The following HERC3 variants were observed in gnomAD, a reference collection of about 807,000 sequenced individuals.
HERC3 encodes the protein probable E3 ubiquitin-protein ligase HERC3.
A neutral mutation model predicts 129.9 loss-of-function variants in HERC3; 58 were observed. The observed-to-expected ratio is 0.45, with a 90% CI of 0.36 to 0.56. The LOEUF is 0.56. Among genes scored for constraint, HERC3 ranks in the 20% least tolerant of loss-of-function variants. The pLI is 0.00. For synonymous variants in HERC3, 430 were observed against 451.0 expected (o/e 0.95, Z 0.59); for missense variants, 835 against 1,244.2 (o/e 0.67, Z 4.95).
Position 88,652,105 on chromosome 4 carries a change from CAT to C in HERC3, c.463+20_463+21del. 2 of 1,535,068 alleles carry C rather than the reference CAT, an allele frequency of 1.3e-6. No homozygotes were observed. The highest frequency in any genetic ancestry group is 2.2e-5 in the East Asian group (1 of 44,562). ...TTGCGGCTGGTAAAGTAACATTAAA[CAT>C]ATGCTAATGCTATGTTAATTTTGAA... is the stretch of plus-strand genomic sequence containing the variant. On this transcript the variant is annotated intron_variant, in intron 5 of 25. Coordinates refer to ENST00000402738, the MANE Select transcript of HERC3 (RefSeq NM_014606.3).
intron 10 of HERC3, among the ~76,000 whole-genome samples, chr4:88,661,401 C>T (rs555401484): frequency 6.6e-6 from 1 of 152,272 alleles, no homozygotes; most frequent in Admixed American, 6.5e-5. Context: ...CATAATGATA[C>T]GTTAACTTGA....
chr4:88,531,620 C>G, the HERC3 span, among the ~76,000 whole-genome samples: 2 of 152,144 alleles, frequency 1.3e-5, no homozygotes, highest in African/African-American at 4.8e-5. Context: ...CTCTCTCAAC[C>G]CTCCTATTTG....
At chr4:88,636,224 C>G (rs1252898859) in intron 3 of HERC3, among the ~76,000 whole-genome samples, 1 of 151,966 alleles carries the variant, frequency 6.6e-6, no homozygotes, top group African/African-American at 2.4e-5. Flanking sequence ...GAGTCAAGAC[C>G]CATTGGTTTG....
At chr4:88,635,128 G>A (rs983999631) in intron 3 of HERC3, among the ~76,000 whole-genome samples, 9 of 152,022 alleles carry the variant, frequency 5.9e-5, no homozygotes, top group African/African-American at 2.2e-4. Context: ...TCCAGCAAGG[G>A]CGCAGAACTG....
At chr4:88,599,596 G>A (rs1578138968) in intron 2 of HERC3, among the ~76,000 whole-genome samples, 1 of 152,028 alleles carries the variant, frequency 6.6e-6, no homozygotes, top group Non-Finnish European at 1.5e-5. Flanking sequence ...GGACTGACTC[G>A]TGCCAGATAA....
At chr4:88,649,787 A>G in intron 3 of HERC3, 53 bp from the exon 4 acceptor site, 1 of 1,477,596 alleles carries the variant, frequency 6.8e-7, no homozygotes, top group Non-Finnish European at 9.4e-7. Context: ...TAATGGTAGC[A>G]GTATTCCTGT....
intron 5 of HERC3, among the ~76,000 whole-genome samples, chr4:88,652,426 T>C (rs998685748): frequency 6.6e-6 from 1 of 152,144 alleles, no homozygotes; most frequent in Admixed American, 6.5e-5. Context: ...AGCTCCCAAA[T>C]GAATGAAAAA....
At chr4:88,624,194 G>A (rs534045996) in intron 3 of HERC3, among the ~76,000 whole-genome samples, 8 of 152,226 alleles carry the variant, frequency 5.3e-5, no homozygotes, top group East Asian at 1.9e-4. Flanking sequence ...ATTTTCCCCC[G>A]TTTTGGGTTG....
intron 9 of HERC3, chr4:88,656,270 A>C (rs983090440): frequency 3.9e-6 from 2 of 513,092 alleles, no homozygotes; most frequent in Non-Finnish European, 7.0e-6. Flanking sequence ...CATTGCTGTA[A>C]AGAGCACCTG....
the HERC3 span, among the ~76,000 whole-genome samples, chr4:88,575,187 CT>C: frequency 6.6e-6 from 1 of 152,162 alleles, no homozygotes; most frequent in Non-Finnish European, 1.5e-5. Flanking sequence ...TGAAAAGTAT[CT>C]TTTGGCAGAA....
the HERC3 span, among the ~76,000 whole-genome samples, chr4:88,562,124 G>A: frequency 6.6e-6 from 1 of 151,988 alleles, no homozygotes; most frequent in Non-Finnish European, 1.5e-5. Flanking sequence ...GGTGTACAAG[G>A]GTTCCTTTTT....
At chr4:88,670,730 TA>T (rs1214989456) in intron 16 of HERC3, among the ~76,000 whole-genome samples, 1 of 152,000 alleles carries the variant, frequency 6.6e-6, no homozygotes, top group Non-Finnish European at 1.5e-5. Flanking sequence ...AAACCATAAT[TA>T]AAAAAACAAG....
At position 88,707,119 on chromosome 4, in the gene HERC3, A is replaced by C. The variant is rs1735851552; in HGVS notation, c.*159A>C. The C allele has an allele frequency of 3.1e-6, 2 of 647,584 alleles. No individual in the cohort carries two copies. The highest frequency in any genetic ancestry group is 3.0e-5 in the Admixed American group (1 of 33,656). The allele number at this position is 647,584 out of a possible 1,614,324, so 40.1% of individuals were successfully genotyped here. On this transcript the variant is annotated 3_prime_UTR_variant, in exon 26 of 26. Transcript: ENST00000402738. ...TGATGTGTTTCTGGGATTGTATAGC[A>C]GTAAACAACCTTTTTGAAAAATTAG...
the HERC3 span, among the ~76,000 whole-genome samples, chr4:88,572,856 G>A: frequency 2.0e-5 from 3 of 151,492 alleles, no homozygotes; most frequent in Non-Finnish European, 4.4e-5. Context: ...CTTTCATGAA[G>A]CCTATAATTA....
At chr4:88,681,794 AT>A (rs1732811216) in intron 21 of HERC3, among the ~76,000 whole-genome samples, 1 of 152,222 alleles carries the variant, frequency 6.6e-6, no homozygotes, top group Admixed American at 6.5e-5. Flanking sequence ...TGGGATATCC[AT>A]CACCTTAAAT....
chr4:88,697,936 G>A (rs1472258484), intron 23 of HERC3: 2 of 768,856 alleles, frequency 2.6e-6, no homozygotes, highest in Non-Finnish European at 4.2e-6. Context: ...TCAGCTGACG[G>A]CCGTGTGCTC....
chr4:88,577,617 A>ATATATATATATATATATATATAT, the HERC3 span, among the ~76,000 whole-genome samples: 1 of 149,792 alleles, frequency 6.7e-6, no homozygotes, highest in Non-Finnish European at 1.5e-5. Context: ...ATATATATAT[A>ATATATATATATATATATATATAT]ATAGGTTTGT....
rs768063981 is a variant in HERC3 at position 88,678,057 on chromosome 4, C to T, written c.2119C>T (p.Arg707Cys). 9 of 1,613,824 alleles carry T rather than the reference C, an allele frequency of 5.6e-6. No individual in the cohort carries two copies. The highest frequency in any genetic ancestry group is 2.2e-5 in the East Asian group (1 of 44,890). ...ARSPFLVLHV[R>C]RNNLVGDALR... Reference sequence around the variant, plus strand: ...AAGCCCCTTCCTGGTCCTTCACGTTCGCAGGAACAACCTTGTTGGAGATGC... The same window carrying T: ...AAGCCCCTTCCTGGTCCTTCACGTTTGCAGGAACAACCTTGTTGGAGATGC... The change falls in exon 19 of 26, where the codon CGC (arginine) becomes TGC (cysteine). Residue 707 changes from arginine to cysteine, a missense_variant. By Grantham distance (180) the Arg-to-Cys change is radical. Coordinates refer to ENST00000402738, the MANE Select transcript of HERC3 (RefSeq NM_014606.3).
chr4:88,673,523 A>G (rs933525844), intron 16 of HERC3, among the ~76,000 whole-genome samples: 1 of 152,194 alleles, frequency 6.6e-6, no homozygotes. Flanking sequence ...ATGGTCCACT[A>G]GTACTTTACT....
Sources: allele counts gnomAD v4.1 joint callset (sites outside exome capture counted in the v4.1 genomes callset), GRCh38; gene constraint gnomAD v4.1.1; transcripts MANE v1.5; gene names NCBI Gene and HGNC (gene_info 2026-07-23, HGNC 2026-07-21).